Variants in BLTP3B observed in about 807,000 individuals in gnomAD.
BLTP3B encodes bridge-like lipid transfer protein family member 3B.
At chr12:100,041,001 C>CA in the BLTP3B span, among the ~76,000 whole-genome samples, 3 of 152,086 alleles carry the variant, frequency 2.0e-5, no homozygotes, top group East Asian at 1.9e-4. Context: ...ACAAAACAAA[C>CA]AAAAAAACCC....
the BLTP3B span, among the ~76,000 whole-genome samples, chr12:100,119,558 C>T: frequency 1.3e-5 from 2 of 152,044 alleles, no homozygotes; most frequent in Non-Finnish European, 2.9e-5. Context: ...CTAAAAGCTA[C>T]AGTAATCGAG....
chr12:100,139,415 T>C, the BLTP3B span, among the ~76,000 whole-genome samples: 137 of 152,354 alleles, frequency 9.0e-4, no homozygotes, highest in African/African-American at 3.1e-3. Flanking sequence ...TTTCTCATGT[T>C]GGTTCACAGT....
the BLTP3B span, chr12:100,058,197 T>C: frequency 1.2e-6 from 2 of 1,613,178 alleles, no homozygotes; most frequent in Non-Finnish European, 1.7e-6. Context: ...TATGTTTTGA[T>C]TACCATCACT....
chr12:100,037,403 C>A, the BLTP3B span: 2 of 1,242,242 alleles, frequency 1.6e-6, no homozygotes, highest in Non-Finnish European at 2.0e-6. Context: ...TTCCCTAGAT[C>A]ACAACAGCTT....
the BLTP3B span, among the ~76,000 whole-genome samples, chr12:100,125,191 A>C: frequency 6.7e-6 from 1 of 149,418 alleles, no homozygotes; most frequent in Non-Finnish European, 1.5e-5. Flanking sequence ...AATTAGCCAG[A>C]CATGGAGGCA....
the BLTP3B span, chr12:100,058,179 C>T: frequency 3.1e-6 from 5 of 1,613,114 alleles, no homozygotes; most frequent in Non-Finnish European, 4.2e-6. Context: ...AGTTAAAGTA[C>T]TTGAAAGTAT....
the BLTP3B span, among the ~76,000 whole-genome samples, chr12:100,119,095 C>T: frequency 5.3e-5 from 8 of 151,986 alleles, no homozygotes; most frequent in Admixed American, 1.3e-4. Context: ...GAGCCAGACT[C>T]TGTCTCAAAA....
the BLTP3B span, among the ~76,000 whole-genome samples, chr12:100,045,398 T>C: frequency 1.1e-4 from 17 of 151,930 alleles, no homozygotes; most frequent in Admixed American, 3.9e-4. Context: ...CAGTGGAACA[T>C]AACAGAGGCC....
chr12:100,075,947 C>T, the BLTP3B span, among the ~76,000 whole-genome samples: 1 of 151,886 alleles, frequency 6.6e-6, no homozygotes, highest in Non-Finnish European at 1.5e-5. Flanking sequence ...ACACTGGAGA[C>T]CCCAAAAGGA....
the BLTP3B span, chr12:100,051,109 T>G: frequency 6.2e-7 from 1 of 1,613,914 alleles, no homozygotes; most frequent in Non-Finnish European, 8.5e-7. Flanking sequence ...GAGCACCCTC[T>G]GAATTTGTAC....
the BLTP3B span, among the ~76,000 whole-genome samples, chr12:100,109,938 A>C: frequency 2.0e-5 from 3 of 152,196 alleles, no homozygotes; most frequent in Admixed American, 2.0e-4. Context: ...AGTAAACCTA[A>C]GGAGAAACTT....
the BLTP3B span, among the ~76,000 whole-genome samples, chr12:100,052,820 G>C: frequency 1.5e-5 from 2 of 130,990 alleles, no homozygotes; most frequent in African/African-American, 5.9e-5. Flanking sequence ...TTAAGACAGA[G>C]TCTCGCTCTG....
chr12:100,048,085 A>G, the BLTP3B span: 1 of 1,613,240 alleles, frequency 6.2e-7, no homozygotes, highest in Non-Finnish European at 8.5e-7. Flanking sequence ...GCACTGCAGA[A>G]ATCCATTTTT....
chr12:100,043,660 C>T, the BLTP3B span, among the ~76,000 whole-genome samples: 1 of 152,314 alleles, frequency 6.6e-6, no homozygotes, highest in South Asian at 2.1e-4. Flanking sequence ...GCTTGCTCTT[C>T]TGGGTGAGAT....
chr12:100,063,857 T>C, the BLTP3B span, among the ~76,000 whole-genome samples: 7,867 of 152,128 alleles, frequency 0.052, 294 homozygotes, highest in Middle Eastern at 0.092. Context: ...AAAACAACTC[T>C]GGTAATATGA....
the BLTP3B span, among the ~76,000 whole-genome samples, chr12:100,116,629 T>A: frequency 8.5e-5 from 13 of 152,062 alleles, no homozygotes; most frequent in Non-Finnish European, 1.9e-4. Flanking sequence ...ACTCTACAGC[T>A]AAAATTACGT....
chr12:100,048,129 C>T, the BLTP3B span: 5 of 1,610,730 alleles, frequency 3.1e-6, no homozygotes, highest in Non-Finnish European at 4.2e-6. Context: ...CAGCACCAGG[C>T]CCACTTTCAA....
the BLTP3B span, among the ~76,000 whole-genome samples, chr12:100,079,616 G>A: frequency 1.1e-4 from 17 of 152,270 alleles, no homozygotes; most frequent in African/African-American, 2.9e-4. Flanking sequence ...CTGACAATGC[G>A]ATAGAAAAGA....
chr12:100,129,971 C>A, the BLTP3B span, among the ~76,000 whole-genome samples: 1 of 152,090 alleles, frequency 6.6e-6, no homozygotes, highest in African/African-American at 2.4e-5. Flanking sequence ...TTCTTCCCCC[C>A]CTTGGGATGG....
Sources: gnomAD v4.1 joint callset for allele counts (sites outside exome capture counted in the v4.1 genomes callset) on GRCh38, gnomAD v4.1.1 for gene constraint, MANE v1.5 for transcripts, NCBI Gene and HGNC (gene_info 2026-07-23, HGNC 2026-07-21) for gene names.